The following FBXO33 variants were observed in gnomAD, a reference collection of about 807,000 sequenced individuals.
FBXO33 encodes F-box protein 33, also known as F-box only protein 33.
In FBXO33, 22 loss-of-function variants were observed where a neutral mutation model predicts 46.3. The ratio of observed to expected loss-of-function variants is 0.48; its 90% CI spans 0.34 to 0.68. The LOEUF is 0.68. FBXO33 is among the 30% of genes least tolerant of loss of function. The pLI is 0.01. For synonymous variants in FBXO33, 337 were observed against 291.3 expected, an observed-to-expected ratio of 1.16 and a Z score of -1.60; for missense variants, 692 against 708.8, an observed-to-expected ratio of 0.98 and a Z score of 0.27.
intron 1 of FBXO33, among the ~76,000 whole-genome samples, chr14:39,403,469 G>C (rs1453584045): frequency 6.6e-6 from 1 of 152,176 alleles, no homozygotes; most frequent in Non-Finnish European, 1.5e-5. Context: ...GGTGGTACAT[G>C]CCTGGAATCC....
chr14:39,399,506 T>C lies in FBXO33; in HGVS notation c.*10A>G, dbSNP rs183583191. The C allele has an allele frequency of 6.3e-7, 1 of 1,597,296 alleles. No individual in the cohort carries two copies. Among genetic ancestry groups the C allele is most frequent in the East Asian group, 2.2e-5 (1 of 44,640 alleles). On this transcript the variant is annotated 3_prime_UTR_variant, in exon 4 of 4. Coordinates refer to ENST00000298097, the MANE Select transcript of FBXO33 (RefSeq NM_203301.4). ...ATATGTAACCACAGGAATTCTACAT[T>C]AAAAAAAAGCTAAATGTCTTCACTG...
intron 1 of FBXO33, among the ~76,000 whole-genome samples, chr14:39,416,974 G>A (rs2075451573): frequency 6.6e-6 from 1 of 152,130 alleles, no homozygotes; most frequent in Non-Finnish European, 1.5e-5. Context: ...ACAGAGTACT[G>A]TTTGCTGTAG....
At chr14:39,420,560 A>AGGTG (rs2075477778) in intron 1 of FBXO33, among the ~76,000 whole-genome samples, 1 of 151,992 alleles carries the variant, frequency 6.6e-6, no homozygotes, top group Non-Finnish European at 1.5e-5. Flanking sequence ...GGTGGTGGGC[A>AGGTG]CCTGTATGTA....
In FBXO33 at chr14:39,412,256, T is replaced by C. The variant is rs528091661; in HGVS notation, c.600-9745A>G. On this transcript the variant is annotated intron_variant, in intron 1 of 3. Coordinates refer to ENST00000298097, the MANE Select transcript of FBXO33 (RefSeq NM_203301.4). ...TAGGTGCCCTCATACTGGATGCATA[T>C]ATATTTATAATTGTTTTGTCTTCCT... is the stretch of plus-strand genomic sequence containing the variant. 5.3e-5 allele frequency among the ~76,000 whole-genome samples: 8 copies of C among 152,368 alleles called. No individual in the cohort carries two copies. In the South Asian group the frequency reaches 1.0e-3, roughly 20 times the overall value.
intron 1 of FBXO33, among the ~76,000 whole-genome samples, chr14:39,425,750 C>T (rs969360225): frequency 2.0e-5 from 3 of 152,170 alleles, no homozygotes; most frequent in Non-Finnish European, 4.4e-5. Flanking sequence ...TGGAAGTGTA[C>T]TATTCTTTGT....
intron 1 of FBXO33, among the ~76,000 whole-genome samples, chr14:39,410,783 A>C (rs2075418575): frequency 6.6e-6 from 1 of 152,098 alleles, no homozygotes; most frequent in African/African-American, 2.4e-5. Context: ...GAATTTATTT[A>C]TTCTTCTAGA....
chr14:39,426,965 G>A (rs2075518468), intron 1 of FBXO33, among the ~76,000 whole-genome samples: 1 of 152,130 alleles, frequency 6.6e-6, no homozygotes, highest in African/African-American at 2.4e-5. Context: ...CGGGAAGCAT[G>A]TCTTCCCCGC....
intron 1 of FBXO33, among the ~76,000 whole-genome samples, chr14:39,407,777 A>G (rs991458888): frequency 7.2e-5 from 11 of 152,314 alleles, no homozygotes; most frequent in South Asian, 2.1e-4. Flanking sequence ...GATATCTTTG[A>G]GATCCTGATT....
At chr14:39,401,025 AT>A in intron 3 of FBXO33, 150 bp downstream of exon 3, 1 of 668,182 alleles carries the variant, frequency 1.5e-6, no homozygotes, top group Non-Finnish European at 2.3e-6. Flanking sequence ...TGTAAGTGAT[AT>A]ATCTTGCAAA....
intron 2 of FBXO33, among the ~76,000 whole-genome samples, chr14:39,402,131 T>C (rs1336136149): frequency 6.6e-6 from 1 of 152,198 alleles, no homozygotes; most frequent in African/African-American, 2.4e-5. Context: ...AGTAGAAAAG[T>C]AGGATAACAT....
At chr14:39,415,307 C>T (rs1006256415) in intron 1 of FBXO33, among the ~76,000 whole-genome samples, 34 of 152,076 alleles carry the variant, frequency 2.2e-4, no homozygotes, top group Admixed American at 5.9e-4. Context: ...TAGAAAATGA[C>T]GACGACAACA....
At chr14:39,418,620 A>G (rs904772776) in intron 1 of FBXO33, among the ~76,000 whole-genome samples, 7 of 151,002 alleles carry the variant, frequency 4.6e-5, no homozygotes, top group African/African-American at 1.5e-4. Context: ...CTAAAAATAC[A>G]AAAAATTAGC....
At chr14:39,404,640 A>G (rs2075384744) in intron 1 of FBXO33, among the ~76,000 whole-genome samples, 5 of 152,094 alleles carry the variant, frequency 3.3e-5, no homozygotes, top group Admixed American at 3.3e-4. Context: ...ATGGATCTTA[A>G]GAATAAGTGG....
At chr14:39,427,092 GAACT>G (rs2139421320) in intron 1 of FBXO33, among the ~76,000 whole-genome samples, 1 of 152,292 alleles carries the variant, frequency 6.6e-6, no homozygotes, top group South Asian at 2.1e-4. Context: ...GGCTGCCTCA[GAACT>G]AACAAATTAA....
chr14:39,405,730 A>G (rs2139404136), intron 1 of FBXO33, among the ~76,000 whole-genome samples: 1 of 151,978 alleles, frequency 6.6e-6, no homozygotes, highest in African/African-American at 2.4e-5. Context: ...ACATTTTAAA[A>G]AATTCATATA....
intron 1 of FBXO33, among the ~76,000 whole-genome samples, chr14:39,425,568 G>C (rs1255063934): frequency 2.6e-5 from 4 of 152,032 alleles, no homozygotes; most frequent in Non-Finnish European, 5.9e-5. Flanking sequence ...AAATTCTCTT[G>C]GGCTGGTTCT....
chr14:39,415,642 ATTATTGGAGTTATTC>A (rs1289023269), intron 1 of FBXO33, among the ~76,000 whole-genome samples: 4 of 152,160 alleles, frequency 2.6e-5, no homozygotes, highest in Non-Finnish European at 5.9e-5. Flanking sequence ...CCACCAATTA[ATTATTGGAGTTATTC>A]TTCATGCTGT....
At position 39,431,689 on chromosome 14, in the gene FBXO33, A is replaced by T. The variant is rs567902786; in HGVS notation, c.474T>A (p.Gly158=). ...YLSGGGPGDG[G]GADTGTGGEE... is the part of the protein sequence containing the mutation. ...CCCCTCCAGTCCCGGTGTCCGCGCC[A>T]CCTCCGTCCCCTGGGCCACCGCCGC... is the stretch of plus-strand genomic sequence containing the variant. The change falls in exon 1 of 4, where the codon GGT becomes GGA. Residue 158 remains glycine (G), a synonymous_variant. Transcript: ENST00000298097. 1.9e-6 allele frequency: 3 copies of T among 1,612,776 alleles called. No individual in the cohort carries two copies. Among genetic ancestry groups the T allele is most frequent in the Admixed American group, 3.3e-5 (2 of 59,980 alleles).
At chr14:39,431,427 A>T in intron 1 of FBXO33, 137 bp downstream of exon 1, 1 of 1,465,002 alleles carries the variant, frequency 6.8e-7, no homozygotes. Flanking sequence ...CCGCCTAGTT[A>T]GAACCAACAC....
Sources: gnomAD v4.1 joint callset for allele counts (sites outside exome capture counted in the v4.1 genomes callset) on GRCh38, gnomAD v4.1.1 for gene constraint, MANE v1.5 for transcripts, NCBI Gene and HGNC (gene_info 2026-07-23, HGNC 2026-07-21) for gene names.